Variants in GNAO1 observed in about 807,000 individuals in gnomAD.
GNAO1 encodes guanine nucleotide-binding protein G(o) subunit alpha.
For synonymous variants in GNAO1, 164 were observed against 180.7 expected (o/e 0.91, Z 0.74); for missense variants, 166 against 478.7 (o/e 0.35, Z 6.10).
chr16:56,267,034 C>T (rs2036960986), intron 2 of GNAO1, among the ~76,000 whole-genome samples: 1 of 152,178 alleles, frequency 6.6e-6, no homozygotes, highest in African/African-American at 2.4e-5. Flanking sequence ...ATGGTATCCC[C>T]TGAGTCAGGA....
chr16:56,241,707 G>A (rs898003420), intron 2 of GNAO1, among the ~76,000 whole-genome samples: 2 of 152,228 alleles, frequency 1.3e-5, no homozygotes, highest in African/African-American at 4.8e-5. Flanking sequence ...TGAGGGTAAT[G>A]GAGTGACTCA....
rs2037965728 is a variant in GNAO1 at position 56,356,101 on chromosome 16, A to AGACT, written c.*29_*32dup. ...CTGGACCCCTTATCTCTCTCTCTAC[A>AGACT]GACTGCTTCACGGACTCTTTGCTGT... On this transcript the variant is annotated splice_acceptor_variant, in intron 8 of 8. Coordinates refer to ENST00000262493, the MANE Select transcript of GNAO1 (RefSeq NM_020988.3). LOFTEE classifies it low-confidence loss of function (3UTR_SPLICE). 6.5e-6 allele frequency: 1 copy of AGACT among 152,682 alleles called. No individual in the cohort carries two copies. The highest frequency in any genetic ancestry group is 1.5e-5 in the Non-Finnish European group (1 of 68,062). 9.5% of individuals were successfully genotyped at this position (152,682 alleles called of 1,614,324 possible).
chr16:56,288,890 A>G (rs951731645), intron 3 of GNAO1, among the ~76,000 whole-genome samples: 2 of 151,746 alleles, frequency 1.3e-5, no homozygotes, highest in Non-Finnish European at 2.9e-5. Context: ...CCATTTTTTC[A>G]TCCATTAGAT....
rs189404527 is a variant in GNAO1 at position 56,227,216 on chromosome 16, G to A, written c.161+34600G>A. 2.7e-4 allele frequency among the ~76,000 whole-genome samples: 41 copies of A among 152,250 alleles called. No individual in the cohort carries two copies. In the East Asian group the frequency reaches 7.7e-3, roughly 29 times the overall value. Reference sequence around the variant, plus strand: ...ATGTAATTGTTTTAGGCAAGTCTGCGCGCCCCCGCCACTGCTCCTGGCCTC... The same window carrying A: ...ATGTAATTGTTTTAGGCAAGTCTGCACGCCCCCGCCACTGCTCCTGGCCTC... On this transcript the variant is annotated intron_variant, in intron 2 of 8. Coordinates refer to ENST00000262493, the MANE Select transcript of GNAO1 (RefSeq NM_020988.3).
At chr16:56,287,217 C>T (rs367700368) in intron 3 of GNAO1, among the ~76,000 whole-genome samples, 3 of 152,236 alleles carry the variant, frequency 2.0e-5, no homozygotes, top group Non-Finnish European at 2.9e-5. Context: ...AGGCTGGTAA[C>T]AGAAGAGGCC....
At chr16:56,301,302 A>C (rs748082159) in intron 3 of GNAO1, 7 of 152,242 alleles carry the variant, frequency 4.6e-5, no homozygotes, top group Non-Finnish European at 7.3e-5. Flanking sequence ...TACCTCAGTC[A>C]AAACAAAAGT....
chr16:56,262,790 C>A (rs1337015099), intron 2 of GNAO1, among the ~76,000 whole-genome samples: 1 of 152,164 alleles, frequency 6.6e-6, no homozygotes, highest in African/African-American at 2.4e-5. Context: ...TAGATCTAGG[C>A]AGTAAAATTG....
intron 2 of GNAO1, chr16:56,194,073 C>T (rs1343514624): frequency 2.2e-6 from 1 of 455,386 alleles, no homozygotes; most frequent in Non-Finnish European, 4.4e-6. Flanking sequence ...GCATGACAAG[C>T]GGGTTCTAGG....
chr16:56,207,991 A>G (rs1212886553), intron 2 of GNAO1, among the ~76,000 whole-genome samples: 1 of 152,118 alleles, frequency 6.6e-6, no homozygotes, highest in African/African-American at 2.4e-5. Context: ...ACTCCTTACT[A>G]CCTTAACTTT....
Position 56,228,380 on chromosome 16 carries a change from C to T in GNAO1, c.161+35764C>T, listed in dbSNP as rs1019881261. 5.4e-5 allele frequency among the ~76,000 whole-genome samples: 8 copies of T among 148,448 alleles called. No homozygotes were observed. The South Asian group carries it at 8.8e-4, about 16-fold the overall frequency. On this transcript the variant is annotated intron_variant, in intron 2 of 8. Transcript: ENST00000262493. ...GTATATGCATATGTATGTGTATATACGTGAGTGTGTGTGTGTATATATGTG... is the reference window on the plus strand; with the variant it reads ...GTATATGCATATGTATGTGTATATATGTGAGTGTGTGTGTGTATATATGTG...
At chr16:56,218,017 A>C (rs116678649) in intron 2 of GNAO1, among the ~76,000 whole-genome samples, 2 of 152,220 alleles carry the variant, frequency 1.3e-5, no homozygotes, top group African/African-American at 4.8e-5. Context: ...GAAGATGCCA[A>C]ACAACTCACC....
chr16:56,342,470 G>T (rs1484277108), intron 6 of GNAO1, among the ~76,000 whole-genome samples: 1 of 152,144 alleles, frequency 6.6e-6, no homozygotes, highest in Admixed American at 6.5e-5. Context: ...GCAAAGCTGG[G>T]GTCCTGTTCT....
chr16:56,347,554 G>T (rs2037883104), intron 6 of GNAO1: 2 of 985,648 alleles, frequency 2.0e-6, no homozygotes, highest in Non-Finnish European at 2.4e-6. Flanking sequence ...GTCAAAGAAG[G>T]GGCAGGCTGG....
intron 6 of GNAO1, among the ~76,000 whole-genome samples, chr16:56,342,870 TG>T (rs2037819340): frequency 6.6e-6 from 1 of 152,190 alleles, no homozygotes; most frequent in South Asian, 2.1e-4. Flanking sequence ...CCCAGCACTT[TG>T]GGAGGCCGAG....
intron 6 of GNAO1, among the ~76,000 whole-genome samples, chr16:56,350,382 C>T (rs2037909224): frequency 1.3e-5 from 2 of 152,280 alleles, no homozygotes; most frequent in Non-Finnish European, 2.9e-5. Context: ...TCCCTTCCTC[C>T]CACTCCCTGT....
intron 6 of GNAO1, chr16:56,340,613 G>T: frequency 1.8e-6 from 1 of 552,996 alleles, no homozygotes. Flanking sequence ...ACCCTGCCCG[G>T]CCCTGCTCCG....
At chr16:56,272,894 A>G (rs1256062951) in intron 2 of GNAO1, among the ~76,000 whole-genome samples, 2 of 152,198 alleles carry the variant, frequency 1.3e-5, no homozygotes, top group African/African-American at 2.4e-5. Flanking sequence ...GAGAAACTCA[A>G]TGCACTGGCT....
chr16:56,271,768 T>C (rs1398227798), intron 2 of GNAO1, among the ~76,000 whole-genome samples: 2 of 152,224 alleles, frequency 1.3e-5, no homozygotes, highest in Non-Finnish European at 2.9e-5. Context: ...TATTAATAGC[T>C]ACCATTTGTT....
chr16:56,292,893 G>A (rs1270635007), intron 3 of GNAO1, among the ~76,000 whole-genome samples: 1 of 152,236 alleles, frequency 6.6e-6, no homozygotes, highest in Non-Finnish European at 1.5e-5. Context: ...GTAACCAGCA[G>A]CCCCGAAATC....
Sources: gnomAD v4.1 joint callset for allele counts (sites outside exome capture counted in the v4.1 genomes callset) on GRCh38, gnomAD v4.1.1 for gene constraint, MANE v1.5 for transcripts, NCBI Gene and HGNC (gene_info 2026-07-23, HGNC 2026-07-21) for gene names.